Variants in TMC3 observed in about 807,000 individuals in gnomAD.
TMC3 encodes the protein transmembrane channel-like protein 3.
In TMC3, 98 loss-of-function variants were observed where a neutral mutation model predicts 110.6. That is an observed-to-expected ratio of 0.89 (90% CI 0.75 to 1.05). The LOEUF (loss-of-function observed/expected upper bound fraction) is 1.05. Ranked by LOEUF, TMC3 falls within the 50% of genes least tolerant of loss-of-function variation. TMC3 has a pLI of 0.00. For missense variants in TMC3, 1,319 were observed against 1,373.2 expected, an observed-to-expected ratio of 0.96 and a Z score of 0.62; for synonymous variants, 489 against 513.1, an observed-to-expected ratio of 0.95 and a Z score of 0.63.
At chr15:81,364,546 G>T (rs370455411) in intron 3 of TMC3, among the ~76,000 whole-genome samples, 2 of 128,678 alleles carry the variant, frequency 1.6e-5, no homozygotes, top group Non-Finnish European at 1.6e-5. Context: ...GTCGGGGGAG[G>T]GGGGAGGGAT....
rs760886769 is a variant in TMC3, at chr15:81,359,378, A to G, written c.488T>C (p.Ile163Thr). 3 of 1,602,458 alleles carry G rather than the reference A, an allele frequency of 1.9e-6. No homozygotes were observed. The highest frequency in any genetic ancestry group is 2.3e-5 in the South Asian group (2 of 87,952). The change falls in exon 5 of 22, where the codon ATT (isoleucine) becomes ACT (threonine). Residue 163 changes from isoleucine to threonine, a missense_variant. Physicochemically the swap from Ile to Thr is moderately conservative, Grantham distance 89 (BLOSUM62 -1). Coordinates refer to ENST00000359440, the MANE Select transcript of TMC3 (RefSeq NM_001080532.3). ...IVLTIMTGAF[I>T]VIPELIAGQP... ...GAAACATCTTACCTCTGGAATGACAATAAAAGCACCTGTCATAATGGTGAG... is the reference window on the plus strand; with the variant it reads ...GAAACATCTTACCTCTGGAATGACAGTAAAAGCACCTGTCATAATGGTGAG...
chr15:81,356,999 C>T (rs1894079434), intron 7 of TMC3, among the ~76,000 whole-genome samples: 1 of 152,182 alleles, frequency 6.6e-6, no homozygotes, highest in African/African-American at 2.4e-5. Flanking sequence ...TGGGACTCCA[C>T]GTAACGTGCT....
At chr15:81,343,747 A>C (rs1416492858) in intron 14 of TMC3, among the ~76,000 whole-genome samples, 170 bp downstream of exon 14, 1 of 145,232 alleles carries the variant, frequency 6.9e-6, no homozygotes, top group Non-Finnish European at 1.5e-5. Flanking sequence ...AAAACAGACA[A>C]AAAAAAAAAA....
Position 81,344,935 on chromosome 15 carries a change from T to C in TMC3, c.1349A>G (p.Glu450Gly). Residue 450 changes from glutamate to glycine, a missense_variant, in exon 13 of 22, where the codon GAA becomes GGA. Transcript: ENST00000359440. The stretch of plus-strand genomic sequence containing the variant: ...AGGCCGAGATGTGGACCATTTCTCT[T>C]CTTCAGGGGCTGTCCTGGTTGCAAA... Reference protein sequence around the residue: ...TFFATRTAPEEEKWSTSRPGM... With the variant: ...TFFATRTAPEGEKWSTSRPGM... 1 of 1,613,582 alleles carries C rather than the reference T, an allele frequency of 6.2e-7. No homozygotes were observed. The highest frequency in any genetic ancestry group is 1.6e-4 in the Middle Eastern group (1 of 6,062).
At chr15:81,360,400 G>A (rs12592827) in intron 4 of TMC3, among the ~76,000 whole-genome samples, 5,081 of 152,126 alleles carry the variant, frequency 0.033, 133 homozygotes, top group East Asian at 0.15. Context: ...AAATTTTATT[G>A]TTCCATTAAG....
Position 81,334,861 on chromosome 15 carries a change from T to G in TMC3, c.2318A>C (p.His773Pro), listed in dbSNP as rs373734400. 25 of 1,613,920 alleles carry G rather than the reference T, an allele frequency of 1.5e-5. No individual in the cohort carries two copies. The African/African-American group carries it at 2.8e-4, about 18-fold the overall frequency. ...GTPQNNGNVA[H>P]FDSGSSKSGR... Reference sequence around the variant, plus strand: ...ACTCTTGCTGCTCCCTGAGTCAAAATGGGCCACGTTGCCGTTGTTTTGGGG... The same window carrying G: ...ACTCTTGCTGCTCCCTGAGTCAAAAGGGGCCACGTTGCCGTTGTTTTGGGG... The change falls in exon 21 of 22, where the codon CAT (histidine) becomes CCT (proline). Residue 773 changes from histidine to proline, a missense_variant. His to Pro is a moderately conservative substitution (Grantham distance 77). Coordinates refer to ENST00000359440, the MANE Select transcript of TMC3 (RefSeq NM_001080532.3).
intron 11 of TMC3, among the ~76,000 whole-genome samples, chr15:81,346,967 G>T (rs1893841449): frequency 1.3e-5 from 2 of 152,176 alleles, no homozygotes; most frequent in Admixed American, 1.3e-4. Context: ...AATACAGGCT[G>T]GACCCCTCAG....
rs1894138934 is a variant in TMC3, at chr15:81,359,420, A to C, written c.446T>G (p.Phe149Cys). Residue 149 changes from phenylalanine to cysteine, a missense_variant, in exon 5 of 22, where the codon TTT becomes TGT. Transcript: ENST00000359440. ...AATGGTGAGCACAATATTAATTCCAAATAACCATCTCAAGAATATGAAATA... is the reference window on the plus strand; with the variant it reads ...AATGGTGAGCACAATATTAATTCCACATAACCATCTCAAGAATATGAAATA... ...ASYFIFLRWL[F>C]GINIVLTIMT... The C allele has an allele frequency of 6.2e-7, 1 of 1,606,228 alleles. No individual in the cohort carries two copies. The highest frequency in any genetic ancestry group is 8.5e-7 in the Non-Finnish European group (1 of 1,177,294).
At chr15:81,361,700 C>G (rs988124277) in intron 4 of TMC3, among the ~76,000 whole-genome samples, 1 of 152,046 alleles carries the variant, frequency 6.6e-6, no homozygotes, top group Non-Finnish European at 1.5e-5. Flanking sequence ...TGTGTTTTAA[C>G]AAGACTTTTC....
Position 81,332,886 on chromosome 15 carries a change from C to CGG in TMC3, c.2835_2836insCC (p.Glu946ProfsTer19). Reference sequence around the variant, plus strand: ...ATCCAATCTCTGCTTGGCGTCTCCTCCTCTTCTTCACTCAGCTGTGGGGAG... The same window carrying CGG: ...ATCCAATCTCTGCTTGGCGTCTCCTCGGCTCTTCTTCACTCAGCTGTGGGGAG... On this transcript the variant is annotated frameshift_variant, in exon 22 of 22. Coordinates refer to ENST00000359440, the MANE Select transcript of TMC3 (RefSeq NM_001080532.3). LOFTEE classifies it low-confidence loss of function (END_TRUNC). The CGG allele has an allele frequency of 5.6e-6, 9 of 1,613,390 alleles. No individual in the cohort carries two copies. Among genetic ancestry groups the CGG allele is most frequent in the Non-Finnish European group, 7.6e-6 (9 of 1,179,884 alleles).
chr15:81,364,168 C>T (rs966566052), intron 3 of TMC3, among the ~76,000 whole-genome samples: 1 of 152,054 alleles, frequency 6.6e-6, no homozygotes, highest in Non-Finnish European at 1.5e-5. Context: ...AAAAAAATCT[C>T]CCCCACCACC....
At chr15:81,343,792 C>G in intron 14 of TMC3, 125 bp downstream of exon 14, 1 of 1,050,072 alleles carries the variant, frequency 9.5e-7, no homozygotes, top group Non-Finnish European at 1.3e-6. Flanking sequence ...GCACCCATCT[C>G]TTCCCACTTG....
intron 16 of TMC3, among the ~76,000 whole-genome samples, 187 bp from the exon 17 acceptor site, chr15:81,339,691 C>T (rs753887781): frequency 6.6e-6 from 1 of 152,242 alleles, no homozygotes; most frequent in Middle Eastern, 3.4e-3. Flanking sequence ...TAGAAATCAG[C>T]GTTCAAAGGA....
At chr15:81,333,679 A>C (rs76752605) in intron 21 of TMC3, among the ~76,000 whole-genome samples, 3 of 152,168 alleles carry the variant, frequency 2.0e-5, no homozygotes, top group East Asian at 3.9e-4. Context: ...GGTGGAGGGG[A>C]GTTGTACATA....
At chr15:81,334,359 C>G (rs150100770) in intron 21 of TMC3, among the ~76,000 whole-genome samples, 316 of 152,274 alleles carry the variant, frequency 2.1e-3, no homozygotes, top group African/African-American at 7.2e-3. Context: ...CATAAATGGT[C>G]TTGCCAATAA....
chr15:81,346,225 CCAG>C, intron 12 of TMC3, 137 bp downstream of exon 12: 1 of 788,328 alleles, frequency 1.3e-6, no homozygotes, highest in Non-Finnish European at 2.1e-6. Flanking sequence ...TGAGAAGACT[CCAG>C]CAAAGTCAAG....
rs147883999 is a variant in TMC3, at chr15:81,359,403, G to T, written c.463C>A (p.Leu155Ile). The part of the protein sequence containing the change: ...LRWLFGINIV[L>I]TIMTGAFIVI... ...ATAAAAGCACCTGTCATAATGGTGA[G>T]CACAATATTAATTCCAAATAACCAT... Residue 155 changes from leucine to isoleucine, a missense_variant, in exon 5 of 22, where the codon CTC (leucine) becomes ATC (isoleucine). By Grantham distance (5) the Leu-to-Ile change is conservative. Coordinates refer to ENST00000359440, the MANE Select transcript of TMC3 (RefSeq NM_001080532.3). The T allele has an allele frequency of 6.2e-7, 1 of 1,606,886 alleles. No individual in the cohort carries two copies. The highest frequency in any genetic ancestry group is 2.2e-5 in the East Asian group (1 of 44,726).
chr15:81,351,748 C>T lies in TMC3; in HGVS notation c.1029G>A (p.Arg343=), dbSNP rs1893955283. The change falls in exon 10 of 22, where the codon CGG becomes CGA. Residue 343 remains arginine (R), a synonymous_variant. Coordinates refer to ENST00000359440, the MANE Select transcript of TMC3 (RefSeq NM_001080532.3). ...SIYLIYFVVD[R]SQKLEQSKKE... ...TCTTCGACTGCTCCAGCTTCTGGGA[C>T]CGGTCCACCACAAAGTAGATGAGAT... The T allele has an allele frequency of 1.9e-6, 3 of 1,586,844 alleles. No individual in the cohort carries two copies. In the Admixed American group the frequency reaches 5.4e-5, roughly 28 times the overall value.
intron 2 of TMC3, 40 bp downstream of exon 2, chr15:81,372,551 C>T (rs1441377932): frequency 6.2e-7 from 1 of 1,610,664 alleles, no homozygotes; most frequent in Admixed American, 1.7e-5. Context: ...TATCGGAAAG[C>T]ATGCTTGTAA....
Sources: gnomAD v4.1 joint callset for allele counts (sites outside exome capture counted in the v4.1 genomes callset) on GRCh38, gnomAD v4.1.1 for gene constraint, MANE v1.5 for transcripts, NCBI Gene and HGNC (gene_info 2026-07-23, HGNC 2026-07-21) for gene names.